PTPRD: variants seen among roughly 807,000 people sequenced by gnomAD.
PTPRD encodes protein tyrosine phosphatase receptor type D.
PTPRD carries 34 observed loss-of-function variants against 214.5 expected under a neutral mutation model. The observed-to-expected ratio is 0.16, with a 90% CI of 0.12 to 0.21. The LOEUF (loss-of-function observed/expected upper bound fraction) is 0.21, where lower values mean the gene tolerates loss of function less well. PTPRD is among the 10% of genes least tolerant of loss of function. The pLI is 1.00. For synonymous variants in PTPRD, 1,128 were observed against 845.7 expected (o/e 1.33, Z -5.79); for missense variants, 2,545 against 2,398.7 (o/e 1.06, Z -1.27).
Position 8,423,345 on chromosome 9 carries a change from A to T in PTPRD, c.4086+13247T>A, listed in dbSNP as rs540814157. Among the ~76,000 whole-genome samples the T allele has an allele frequency of 4.6e-5, 7 of 152,270 alleles. No individual in the cohort carries two copies. In the South Asian group the frequency reaches 1.4e-3, roughly 32 times the overall value. On this transcript the variant is annotated intron_variant, in intron 35 of 45. Coordinates refer to ENST00000381196, the MANE Select transcript of PTPRD (RefSeq NM_002839.4). Reference sequence around the variant, plus strand: ...TAAATTCTTAAGCTAATGGAAATAAATGTAGGTAGGCAGTGGTTTTGTATC... The same window carrying T: ...TAAATTCTTAAGCTAATGGAAATAATTGTAGGTAGGCAGTGGTTTTGTATC...
intron 2 of PTPRD, among the ~76,000 whole-genome samples, chr9:10,351,975 T>C (rs890458088): frequency 1.3e-5 from 2 of 152,020 alleles, no homozygotes; most frequent in Non-Finnish European, 1.5e-5. Flanking sequence ...TGTATGCCAA[T>C]TAACTGTGGA....
At chr9:8,853,918 A>G (rs1183314036) in intron 11 of PTPRD, among the ~76,000 whole-genome samples, 1 of 152,226 alleles carries the variant, frequency 6.6e-6, no homozygotes, top group African/African-American at 2.4e-5. Flanking sequence ...ATAACTCCAT[A>G]AAACCAAAAG....
intron 11 of PTPRD, among the ~76,000 whole-genome samples, chr9:8,801,879 T>C (rs1166775928): frequency 6.6e-6 from 1 of 152,050 alleles, no homozygotes; most frequent in Admixed American, 6.6e-5. Context: ...TTGCATACTG[T>C]ACAAACTGAA....
chr9:9,771,912 G>T (rs1364523478), intron 5 of PTPRD, among the ~76,000 whole-genome samples: 2 of 152,112 alleles, frequency 1.3e-5, no homozygotes, highest in Admixed American at 6.6e-5. Context: ...CAGTAATGAT[G>T]CCATAATAAT....
At chr9:8,455,472 T>C (rs1027384726) in intron 33 of PTPRD, among the ~76,000 whole-genome samples, 1 of 152,214 alleles carries the variant, frequency 6.6e-6, no homozygotes, top group Non-Finnish European at 1.5e-5. Flanking sequence ...ATCTTCACTT[T>C]GAGGCAAATT....
Position 9,048,397 on chromosome 9 carries a change from C to A in PTPRD, c.-142-29662G>T, listed in dbSNP as rs116655367. Among the ~76,000 whole-genome samples, 1,501 of 152,242 alleles carry A rather than the reference C, an allele frequency of 9.9e-3. 31 individuals carry two copies. Among genetic ancestry groups the A allele is most frequent in the African/African-American group, 0.034 (1,420 of 41,538 alleles). On this transcript the variant is annotated intron_variant, in intron 10 of 45. Coordinates refer to ENST00000381196, the MANE Select transcript of PTPRD (RefSeq NM_002839.4). ...ATTTACAACAGCTAAGATTTAAAAG[C>A]AACCTAAGTGTCCATCACCAGATGG... is the stretch of plus-strand genomic sequence containing the variant.
chr9:9,827,354 A>G (rs1194301924), intron 5 of PTPRD, among the ~76,000 whole-genome samples: 5 of 152,262 alleles, frequency 3.3e-5, no homozygotes, highest in South Asian at 2.1e-4. Context: ...ATAATGCCGC[A>G]TATCTACAGC....
intron 11 of PTPRD, among the ~76,000 whole-genome samples, chr9:8,949,116 C>G (rs2099088155): frequency 1.3e-5 from 2 of 150,480 alleles, no homozygotes. Flanking sequence ...CCCAGCTACT[C>G]AGGAGGCTGA....
intron 11 of PTPRD, among the ~76,000 whole-genome samples, chr9:8,847,462 A>G (rs1301673809): frequency 6.6e-6 from 1 of 152,186 alleles, no homozygotes; most frequent in Non-Finnish European, 1.5e-5. Context: ...ATGGCTAAAT[A>G]GGCCAGTGTA....
At chr9:9,154,598 G>A (rs150580391) in intron 10 of PTPRD, among the ~76,000 whole-genome samples, 2 of 152,232 alleles carry the variant, frequency 1.3e-5, no homozygotes, top group Non-Finnish European at 2.9e-5. Flanking sequence ...ATTATTACAT[G>A]AATTTTAATG....
intron 10 of PTPRD, among the ~76,000 whole-genome samples, chr9:9,057,456 T>G (rs1461427225): frequency 6.6e-6 from 1 of 152,194 alleles, no homozygotes; most frequent in Non-Finnish European, 1.5e-5. Flanking sequence ...GATTTTACTT[T>G]GAAAACTATA....
At chr9:8,794,273 T>A (rs762897664) in intron 11 of PTPRD, among the ~76,000 whole-genome samples, 9 of 152,054 alleles carry the variant, frequency 5.9e-5, no homozygotes, top group Non-Finnish European at 1.0e-4. Flanking sequence ...AAGTGCAATA[T>A]GTTTAACTTA....
chr9:10,277,692 C>A (rs1011528653), intron 3 of PTPRD, among the ~76,000 whole-genome samples: 1 of 152,146 alleles, frequency 6.6e-6, no homozygotes, highest in African/African-American at 2.4e-5. Flanking sequence ...CCTCATGATT[C>A]AATTAATATA....
Position 10,226,825 on chromosome 9 carries a change from T to C in PTPRD, c.-545+114138A>G, listed in dbSNP as rs1424412979. ...TAGTTTAAACTCTAACTTATGTTTTTTCCACTACGTCTAATTGCCTGTATA... is the reference window on the plus strand; with the variant it reads ...TAGTTTAAACTCTAACTTATGTTTTCTCCACTACGTCTAATTGCCTGTATA... On this transcript the variant is annotated intron_variant, in intron 3 of 45. Transcript: ENST00000381196. 2.0e-5 allele frequency among the ~76,000 whole-genome samples: 3 copies of C among 152,064 alleles called. No individual in the cohort carries two copies. In the East Asian group the frequency reaches 5.8e-4, roughly 29 times the overall value.
At chr9:8,333,694 C>G (rs116815619) in intron 43 of PTPRD, among the ~76,000 whole-genome samples, 6,285 of 152,168 alleles carry the variant, frequency 0.041, 433 homozygotes, top group African/African-American at 0.14. Flanking sequence ...ATCAAATTTG[C>G]ATATAACAAT....
intron 5 of PTPRD, among the ~76,000 whole-genome samples, chr9:9,894,586 A>C (rs1040931487): frequency 1.3e-5 from 2 of 151,854 alleles, no homozygotes; most frequent in Admixed American, 1.3e-4. Flanking sequence ...TTTTTTCACA[A>C]CTTTTTCACT....
chr9:10,003,150 G>C (rs2096375534), intron 4 of PTPRD, among the ~76,000 whole-genome samples: 1 of 151,742 alleles, frequency 6.6e-6, no homozygotes, highest in African/African-American at 2.4e-5. Context: ...TAAGAAATGA[G>C]TTCCAGGCAG....
At chr9:8,618,917 T>C (rs1341433548) in intron 14 of PTPRD, among the ~76,000 whole-genome samples, 3 of 10,834 alleles carry the variant, frequency 2.8e-4, no homozygotes, top group African/African-American at 7.7e-4. Flanking sequence ...TTTTTTTGTT[T>C]TTTTTTTTTT....
At chr9:8,441,967 G>A (rs2095561832) in intron 34 of PTPRD, among the ~76,000 whole-genome samples, 1 of 152,122 alleles carries the variant, frequency 6.6e-6, no homozygotes. Context: ...CTTTAAGACT[G>A]TTTGGGCTCT....
Sources: allele counts gnomAD v4.1 joint callset (sites outside exome capture counted in the v4.1 genomes callset), GRCh38; gene constraint gnomAD v4.1.1; transcripts MANE v1.5; gene names NCBI Gene and HGNC (gene_info 2026-07-23, HGNC 2026-07-21).